Variants in CTBP2 observed in about 807,000 individuals in gnomAD.
The protein encoded by CTBP2 is C-terminal-binding protein 2.
Under a neutral mutation model 80.3 loss-of-function variants are expected in CTBP2, and 30 were observed. That is an observed-to-expected ratio of 0.37 (90% CI 0.28 to 0.51). CTBP2 has a LOEUF of 0.51. Among genes scored for constraint, CTBP2 ranks in the 20% least tolerant of loss-of-function variants. The probability of loss-of-function intolerance (pLI) is 0.93; values close to 1 mark genes in which losing one functional copy is unlikely to be tolerated. For synonymous variants in CTBP2, 594 were observed against 587.4 expected (o/e 1.01, Z -0.16); for missense variants, 1,212 against 1,375.3 (o/e 0.88, Z 1.88).
chr10:125,097,303 A>G (rs1849683423), intron 2 of CTBP2, among the ~76,000 whole-genome samples: 1 of 152,238 alleles, frequency 6.6e-6, no homozygotes, highest in Non-Finnish European at 1.5e-5. Context: ...TTTAAATCCA[A>G]TTACAAAATT....
intron 2 of CTBP2, among the ~76,000 whole-genome samples, chr10:125,048,683 C>T (rs955547066): frequency 2.0e-5 from 3 of 152,150 alleles, no homozygotes; most frequent in African/African-American, 2.4e-5. Context: ...TTTTCCATTA[C>T]GTCTGCTGAC....
chr10:125,034,228 A>G (rs975214258), intron 3 of CTBP2, among the ~76,000 whole-genome samples: 2 of 152,222 alleles, frequency 1.3e-5, no homozygotes, highest in Non-Finnish European at 2.9e-5. Context: ...CCATCCCCAG[A>G]GTCGGTGGAG....
intron 2 of CTBP2, among the ~76,000 whole-genome samples, chr10:125,063,394 G>A (rs554898673): frequency 6.6e-6 from 1 of 152,180 alleles, no homozygotes; most frequent in Non-Finnish European, 1.5e-5. Flanking sequence ...TGGGGACTGA[G>A]CATTCACTCT....
In CTBP2 at chr10:125,027,881, C is replaced by G. The variant is rs1000617331; in HGVS notation, c.-122G>C. The G allele has an allele frequency of 2.2e-5, 32 of 1,427,714 alleles. No individual in the cohort carries two copies. In the African/African-American group the frequency reaches 4.3e-4, roughly 19 times the overall value. 88.4% of individuals were successfully genotyped at this position (1,427,714 alleles called of 1,614,324 possible). A position where few individuals can be genotyped will look rare whatever the true frequency, so the allele number is the denominator to read the frequency against. On this transcript the variant is annotated 5_prime_UTR_variant, in exon 1 of 9. Coordinates refer to ENST00000309035, the MANE Select transcript of CTBP2 (RefSeq NM_022802.3). ...CTTCCGAGACGGCAGGGACAACCAA[C>G]TGGGGGTTTTCTGTTTCAAAGCATG... is the stretch of plus-strand genomic sequence containing the variant.
intron 2 of CTBP2, among the ~76,000 whole-genome samples, chr10:125,106,898 C>T (rs1851544872): frequency 6.6e-6 from 1 of 152,190 alleles, no homozygotes; most frequent in South Asian, 2.1e-4. Flanking sequence ...AGGGCGTGAC[C>T]CCTGTGTGAC....
intron 3 of CTBP2, chr10:124,998,974 C>T (rs1954046605): frequency 6.6e-6 from 1 of 152,410 alleles, no homozygotes; most frequent in African/African-American, 2.4e-5. Flanking sequence ...AGGGCCCTGC[C>T]ATTTACCCTC....
chr10:125,031,178 G>A (rs572205556), upstream of CTBP2, among the ~76,000 whole-genome samples: 7 of 152,238 alleles, frequency 4.6e-5, no homozygotes, highest in East Asian at 1.4e-3. Context: ...AAGTGTTGTG[G>A]AATTTGTGCC....
chr10:125,068,682 T>C (rs7087286), intron 2 of CTBP2, among the ~76,000 whole-genome samples: 55,020 of 152,046 alleles, frequency 0.36, 10,556 homozygotes, highest in Middle Eastern at 0.48. Flanking sequence ...TTTCCCAGTG[T>C]GGTCCCTTGG....
intron 2 of CTBP2, among the ~76,000 whole-genome samples, chr10:125,086,520 C>A (rs568176732): frequency 6.7e-6 from 1 of 149,502 alleles, no homozygotes; most frequent in South Asian, 2.1e-4. Context: ...GAGGATGAGG[C>A]AGGAGAATCG....
chr10:125,030,326 G>A (rs764468354), upstream of CTBP2, among the ~76,000 whole-genome samples: 9 of 152,180 alleles, frequency 5.9e-5, no homozygotes, highest in Non-Finnish European at 1.2e-4. Context: ...AAAATAAGAT[G>A]ATTGTGTAAC....
At chr10:124,999,561 G>GAGA (rs889064611) in intron 3 of CTBP2, 1 of 152,286 alleles carries the variant, frequency 6.6e-6, no homozygotes, top group Non-Finnish European at 1.5e-5. Context: ...ACACAGCTCA[G>GAGA]AGAAGGTGAA....
chr10:125,044,082 C>T (rs779393750), intron 2 of CTBP2, among the ~76,000 whole-genome samples: 17 of 152,154 alleles, frequency 1.1e-4, no homozygotes, highest in Non-Finnish European at 2.4e-4. Context: ...CGATCCAATG[C>T]AGGAAGAAAA....
intron 1 of CTBP2, among the ~76,000 whole-genome samples, chr10:125,153,583 C>T (rs548603730): frequency 6.6e-6 from 1 of 152,328 alleles, no homozygotes; most frequent in East Asian, 1.9e-4. Flanking sequence ...CCTCTCATTT[C>T]CCCTCTCCAC....
intron 1 of CTBP2, among the ~76,000 whole-genome samples, chr10:125,132,127 ATCT>A (rs1856284388): frequency 6.6e-6 from 1 of 152,194 alleles, no homozygotes; most frequent in South Asian, 2.1e-4. Context: ...CAACTAGTAA[ATCT>A]TCTGGTAACA....
intron 1 of CTBP2, among the ~76,000 whole-genome samples, chr10:125,152,019 G>T (rs1044340844): frequency 6.6e-6 from 1 of 152,154 alleles, no homozygotes; most frequent in Non-Finnish European, 1.5e-5. Context: ...AGGTGGGGGG[G>T]CCCGGGGGTG....
In CTBP2 at chr10:125,038,977, A is replaced by T. The variant is rs1487531661; in HGVS notation, c.58+20T>A. On this transcript the variant is annotated intron_variant, in intron 3 of 10. Transcript: ENST00000337195. The stretch of plus-strand genomic sequence containing the variant: ...GAGGGACTACGTATGTTTGGTAAAA[A>T]CCGCCAAACACGCTCTTACCTTCAC... The T allele has an allele frequency of 6.2e-7, 1 of 1,611,502 alleles. No homozygotes were observed. Among genetic ancestry groups the T allele is most frequent in the African/African-American group, 1.3e-5 (1 of 74,900 alleles).
chr10:125,002,901 C>G (rs1954722777), intron 3 of CTBP2, 59 bp downstream of exon 5: 2 of 1,591,086 alleles, frequency 1.3e-6, no homozygotes, highest in Non-Finnish European at 1.7e-6. Flanking sequence ...CAAGCCCACC[C>G]GAGCAGGGCC....
chr10:124,995,978 T>TAGGC (rs1312775402), intron 4 of CTBP2: 2 of 151,408 alleles, frequency 1.3e-5, no homozygotes, highest in African/African-American at 4.9e-5. Flanking sequence ...ATCCAGGGCC[T>TAGGC]GGAGGGCCTG....
intron 1 of CTBP2, among the ~76,000 whole-genome samples, chr10:125,008,657 G>A (rs1955527808): frequency 6.6e-6 from 1 of 152,270 alleles, no homozygotes; most frequent in Non-Finnish European, 1.5e-5. Context: ...AGTGCTGCAA[G>A]CAGCTCCGAG....
Sources: gnomAD v4.1 joint callset for allele counts (sites outside exome capture counted in the v4.1 genomes callset) on GRCh38, gnomAD v4.1.1 for gene constraint, MANE v1.5 for transcripts, NCBI Gene and HGNC (gene_info 2026-07-23, HGNC 2026-07-21) for gene names.